Variants in ITGB3 observed in about 807,000 individuals in gnomAD.
ITGB3 encodes the protein integrin beta-3.
Under a neutral mutation model 85.8 loss-of-function variants are expected in ITGB3, and 48 were observed. The observed-to-expected ratio is 0.56, with a 90% CI of 0.44 to 0.71. The LOEUF (loss-of-function observed/expected upper bound fraction) is 0.71. Ranked by LOEUF, ITGB3 falls within the 30% of genes least tolerant of loss-of-function variation. The pLI is 0.00. For missense variants in ITGB3, 861 were observed against 1,019.1 expected, an observed-to-expected ratio of 0.84 and a Z score of 2.11; for synonymous variants, 363 against 395.6, an observed-to-expected ratio of 0.92 and a Z score of 0.98.
rs145253309 is a variant in ITGB3 at position 47,274,279 on chromosome 17, C to T, written c.80-140C>T. 1.8e-4 allele frequency: 136 copies of T among 756,450 alleles called. No individual in the cohort carries two copies. The African/African-American group carries it at 1.9e-3, about 11-fold the overall frequency. 46.9% of individuals were successfully genotyped at this position (756,450 alleles called of 1,614,324 possible). A position where few individuals can be genotyped will look rare whatever the true frequency, so the allele number is the denominator to read the frequency against. ...TAACCAATAACCTGTATTTGGTAGA[C>T]GTCTGTGGTATGGTTAGGGTGTGTT... On this transcript the variant is annotated intron_variant, in intron 1 of 14. Transcript: ENST00000559488.
intron 1 of ITGB3, among the ~76,000 whole-genome samples, chr17:47,265,162 C>T (rs889485683): frequency 2.0e-5 from 3 of 152,042 alleles, no homozygotes; most frequent in Non-Finnish European, 4.4e-5. Flanking sequence ...CTTATCCATA[C>T]GTGGATTAAA....
chr17:47,254,034 G>A, intron 1 of ITGB3, 94 bp downstream of exon 1: 3 of 805,520 alleles, frequency 3.7e-6, no homozygotes, highest in South Asian at 2.6e-5. Flanking sequence ...GCGGAGGGCT[G>A]GTCCCGCGCG....
Position 47,310,931 on chromosome 17 carries a change from G to A in ITGB3, c.*727G>A, listed in dbSNP as rs1175660127. On this transcript the variant is annotated 3_prime_UTR_variant, in exon 15 of 15. Transcript: ENST00000559488. ...AGGGGTCATTCATGGCCTGGGGGAT[G>A]TACCAGCATCTCCCAGTTCATAATC... 1 of 156,092 alleles carries A rather than the reference G, an allele frequency of 6.4e-6. No homozygotes were observed. The highest frequency in any genetic ancestry group is 1.9e-4 in the East Asian group (1 of 5,294). The allele number at this position is 156,092 out of a possible 1,614,324, so 9.7% of individuals were successfully genotyped here.
At chr17:47,291,168 A>C in intron 9 of ITGB3, 80 bp downstream of exon 9, 1 of 1,556,730 alleles carries the variant, frequency 6.4e-7, no homozygotes, top group Non-Finnish European at 8.8e-7. Context: ...TAGTGACTAA[A>C]AATGGCCCCC....
chr17:47,310,541 AC>A lies in ITGB3; in HGVS notation c.*339del. 1 of 395,406 alleles carries A rather than the reference AC, an allele frequency of 2.5e-6. No individual in the cohort carries two copies. The highest frequency in any genetic ancestry group is 4.8e-6 in the Non-Finnish European group (1 of 206,412). 24.5% of individuals were successfully genotyped at this position (395,406 alleles called of 1,614,324 possible). On this transcript the variant is annotated 3_prime_UTR_variant, in exon 15 of 15. Transcript: ENST00000559488. ...TGGAGCTGAGCAGGTGTTCTTCATT[AC>A]CTCAGTGAGAAGCCAGCTTTCCTCA...
In ITGB3 at chr17:47,299,918, GC is replaced by G. The variant is rs1401968453; in HGVS notation, c.1913+390del. Among the ~76,000 whole-genome samples the G allele has an allele frequency of 7.2e-5, 11 of 152,138 alleles. No individual in the cohort carries two copies. The highest frequency in any genetic ancestry group is 2.4e-4 in the African/African-American group (10 of 41,420). On this transcript the variant is annotated intron_variant, in intron 11 of 14. Transcript: ENST00000559488. This position sits in a 1 kb window ranked among gnomAD's most constrained non-coding sequence, Gnocchi z 5.1. ...CTACTACAAACCTCCCACTTTAGGG[GC>G]CAGAGGAAGCCCCATCAGCCTGAGT...
At chr17:47,295,026 C>T (rs1005796442) in intron 10 of ITGB3, among the ~76,000 whole-genome samples, 2 of 152,196 alleles carry the variant, frequency 1.3e-5, no homozygotes, top group Non-Finnish European at 2.9e-5. Context: ...AGGGAGTTTT[C>T]CACTTGCCAC....
intron 14 of ITGB3, among the ~76,000 whole-genome samples, chr17:47,309,925 C>T (rs1443166504): frequency 1.3e-5 from 2 of 149,398 alleles, no homozygotes; most frequent in Non-Finnish European, 1.5e-5. Flanking sequence ...GAAACGGTGG[C>T]AGGATGGCAT....
At chr17:47,300,645 C>T in intron 12 of ITGB3, 67 bp downstream of exon 12, 1 of 1,167,674 alleles carries the variant, frequency 8.6e-7, no homozygotes, top group Middle Eastern at 1.9e-4. Flanking sequence ...AATCCCAGAA[C>T]CTATCCAACT....
chr17:47,274,736 C>T (rs1190954973), intron 2 of ITGB3, among the ~76,000 whole-genome samples: 2 of 152,220 alleles, frequency 1.3e-5, no homozygotes, highest in South Asian at 2.1e-4. Context: ...CAGTTTGGCT[C>T]GACCTCCTGT....
At chr17:47,265,594 A>G (rs1230535171) in intron 1 of ITGB3, among the ~76,000 whole-genome samples, 1 of 152,112 alleles carries the variant, frequency 6.6e-6, no homozygotes, top group Non-Finnish European at 1.5e-5. Context: ...ATTAGGGCCT[A>G]CCCTAACGAC....
chr17:47,299,030 A>G lies in ITGB3; in HGVS notation c.1691-278A>G, dbSNP rs2065156018. Among the ~76,000 whole-genome samples the G allele has an allele frequency of 6.6e-6, 1 of 151,744 alleles. No individual in the cohort carries two copies. Among genetic ancestry groups the G allele is most frequent in the Non-Finnish European group, 1.5e-5 (1 of 68,008 alleles). The stretch of plus-strand genomic sequence containing the variant: ...TTCTCAGAAGGCAGAGGTATTCAGA[A>G]AAGGGCAAGAGAGAGGGCAAGAGGC... On this transcript the variant is annotated intron_variant, in intron 10 of 14. Coordinates refer to ENST00000559488, the MANE Select transcript of ITGB3 (RefSeq NM_000212.3). This position sits in a 1 kb window ranked among gnomAD's most constrained non-coding sequence, Gnocchi z 5.1.
intron 2 of ITGB3, among the ~76,000 whole-genome samples, chr17:47,276,513 C>T (rs552279519): frequency 1.3e-5 from 2 of 152,052 alleles, no homozygotes; most frequent in Non-Finnish European, 2.9e-5. Context: ...AGGAAATGGG[C>T]GCAGCTAGGA....
chr17:47,313,175 T>C lies in ITGB3; in HGVS notation c.*2971T>C, dbSNP rs1366590127. ...TTTTAGTAGAGACGGGGTTTCACCA[T>C]GTTGGCCAGGCTGGTCTCGAACTCC... On this transcript the variant is annotated 3_prime_UTR_variant, in exon 15 of 15. Coordinates refer to ENST00000559488, the MANE Select transcript of ITGB3 (RefSeq NM_000212.3). Among the ~76,000 whole-genome samples, 1 of 150,626 alleles carries C rather than the reference T, an allele frequency of 6.6e-6. No homozygotes were observed. Among genetic ancestry groups the C allele is most frequent in the Non-Finnish European group, 1.5e-5 (1 of 67,696 alleles).
rs1355977782 is a variant in ITGB3 at position 47,312,560 on chromosome 17, T to A, written c.*2356T>A. Among the ~76,000 whole-genome samples the A allele has an allele frequency of 4.6e-5, 7 of 152,090 alleles. No individual in the cohort carries two copies. Among genetic ancestry groups the A allele is most frequent in the Non-Finnish European group, 1.0e-4 (7 of 68,012 alleles). ...ATAATCTTCAGTTACTAAGACAGAG[T>A]CCATGAGAGTGTTAATGGGACATTT... On this transcript the variant is annotated 3_prime_UTR_variant, in exon 15 of 15. Transcript: ENST00000559488.
chr17:47,260,710 T>C (rs528382619), intron 1 of ITGB3, among the ~76,000 whole-genome samples: 3 of 152,122 alleles, frequency 2.0e-5, no homozygotes, highest in African/African-American at 7.2e-5. Context: ...GTGTTTCCTT[T>C]CTGGGACTTC....
Position 47,284,710 on chromosome 17 carries a change from C to T in ITGB3, c.614+15C>T, listed in dbSNP as rs376456408. 8 of 1,614,040 alleles carry T rather than the reference C, an allele frequency of 5.0e-6. No individual in the cohort carries two copies. The highest frequency in any genetic ancestry group is 1.6e-4 in the Middle Eastern group (1 of 6,084). Reference sequence around the variant, plus strand: ...CCCTGCTATGAGTAAGTCCCTCCTCCAGACGCCAGGACAGCATCCTTTGCC... The same window carrying T: ...CCCTGCTATGAGTAAGTCCCTCCTCTAGACGCCAGGACAGCATCCTTTGCC... On this transcript the variant is annotated intron_variant, in intron 4 of 14. Coordinates refer to ENST00000559488, the MANE Select transcript of ITGB3 (RefSeq NM_000212.3).
chr17:47,277,094 A>G (rs564379114), intron 2 of ITGB3, among the ~76,000 whole-genome samples: 20 of 152,236 alleles, frequency 1.3e-4, no homozygotes, highest in African/African-American at 4.8e-4. Context: ...GCCCATCTGC[A>G]TAGGGTGTGT....
At chr17:47,265,679 A>G (rs565836125) in intron 1 of ITGB3, among the ~76,000 whole-genome samples, 20 of 152,216 alleles carry the variant, frequency 1.3e-4, no homozygotes, top group Non-Finnish European at 2.4e-4. Flanking sequence ...AAGGACTTCA[A>G]CATATCTTTT....
Sources: allele counts gnomAD v4.1 joint callset (sites outside exome capture counted in the v4.1 genomes callset), GRCh38; gene constraint gnomAD v4.1.1; non-coding constraint Gnocchi (gnomAD v3.1); transcripts MANE v1.5; gene names NCBI Gene and HGNC (gene_info 2026-07-23, HGNC 2026-07-21).